The following COL24A1 variants were observed in gnomAD, a reference collection of about 807,000 sequenced individuals.
The protein encoded by COL24A1 is collagen type XXIV alpha 1 chain, also known as collagen alpha-1(XXIV) chain.
COL24A1 carries 224 observed loss-of-function variants against 253.9 expected under a neutral mutation model. That is an observed-to-expected ratio of 0.88 (90% confidence interval 0.79 to 0.99). COL24A1 has a LOEUF of 0.99. Among genes scored for constraint, COL24A1 ranks in the 50% least tolerant of loss-of-function variants. The pLI is 0.00. For missense variants in COL24A1, 2,131 were observed against 2,068.5 expected (o/e 1.03, Z -0.59); for synonymous variants, 685 against 673.7 (o/e 1.02, Z -0.26).
chr1:85,980,972 T>A (rs1370242203), intron 20 of COL24A1, among the ~76,000 whole-genome samples: 1 of 151,934 alleles, frequency 6.6e-6, no homozygotes, highest in African/African-American at 2.4e-5. Context: ...CAAGAAAAAC[T>A]ACAAAACACT....
chr1:86,135,072 C>T (rs1336102788), intron 2 of COL24A1, among the ~76,000 whole-genome samples: 1 of 151,916 alleles, frequency 6.6e-6, no homozygotes, highest in African/African-American at 2.4e-5. Context: ...GTTAGCTCTT[C>T]TTGTTGAATT....
At chr1:85,747,101 C>CTTT (rs34758363) in intron 55 of COL24A1, among the ~76,000 whole-genome samples, 2 of 111,276 alleles carry the variant, frequency 1.8e-5, no homozygotes, top group Admixed American at 9.9e-5. Flanking sequence ...TGAATTATAA[C>CTTT]TTTTTTTTTT....
intron 52 of COL24A1, among the ~76,000 whole-genome samples, chr1:85,777,191 G>T (rs766360010): frequency 1.3e-5 from 2 of 151,698 alleles, no homozygotes; most frequent in Non-Finnish European, 2.9e-5. Flanking sequence ...CTCGTGATCC[G>T]CCCGCCTCAG....
At chr1:85,820,588 A>AAC (rs1272956241) in intron 45 of COL24A1, among the ~76,000 whole-genome samples, 1 of 152,222 alleles carries the variant, frequency 6.6e-6, no homozygotes, top group East Asian at 1.9e-4. Flanking sequence ...ATGATGACTG[A>AAC]AGACTAAACT....
chr1:86,043,251 G>T (rs1036014135), intron 12 of COL24A1, among the ~76,000 whole-genome samples: 2 of 151,500 alleles, frequency 1.3e-5, no homozygotes, highest in East Asian at 3.9e-4. Context: ...TGACTATATC[G>T]CTCTACCTAA....
chr1:85,829,113 G>A (rs1674823621), intron 43 of COL24A1, among the ~76,000 whole-genome samples: 1 of 150,322 alleles, frequency 6.7e-6, no homozygotes, highest in African/African-American at 2.4e-5. Context: ...TTTTAGGGCA[G>A]GCCTGGTGGT....
At chr1:85,908,543 G>T in intron 27 of COL24A1, 55 bp downstream of exon 27, 1 of 1,000,806 alleles carries the variant, frequency 1.0e-6, no homozygotes, top group Non-Finnish European at 1.5e-6. Context: ...CAATTTATGA[G>T]TTTAAATTAA....
intron 1 of COL24A1, among the ~76,000 whole-genome samples, chr1:86,148,172 T>G (rs1360658759): frequency 6.7e-6 from 1 of 149,038 alleles, no homozygotes; most frequent in East Asian, 2.1e-4. Context: ...GGGAGTTTTG[T>G]TTTGTTTTTG....
Position 85,734,990 on chromosome 1 carries a change from G to T in COL24A1, c.4783-26C>A, listed in dbSNP as rs761978032. 7 of 1,602,108 alleles carry T rather than the reference G, an allele frequency of 4.4e-6. No individual in the cohort carries two copies. The South Asian group carries it at 4.4e-5, about 10-fold the overall frequency. ...CTAATGTCATAGAAATGATATGCAG[G>T]TTATAACATGGCAATTGAGAAACTT... On this transcript the variant is annotated intron_variant, in intron 58 of 59. Coordinates refer to ENST00000370571, the MANE Select transcript of COL24A1 (RefSeq NM_152890.7).
chr1:85,828,098 T>C (rs1674643366), intron 43 of COL24A1, among the ~76,000 whole-genome samples: 1 of 152,118 alleles, frequency 6.6e-6, no homozygotes. Context: ...TTTGAATGCA[T>C]CCCAGAGATT....
intron 7 of COL24A1, among the ~76,000 whole-genome samples, chr1:86,070,265 T>C (rs569843438): frequency 2.0e-5 from 3 of 152,260 alleles, no homozygotes; most frequent in African/African-American, 7.2e-5. Flanking sequence ...AGACAGGCTA[T>C]TTGACAAAAC....
At chr1:86,004,590 TTG>T (rs1272312030) in intron 19 of COL24A1, among the ~76,000 whole-genome samples, 2 of 152,212 alleles carry the variant, frequency 1.3e-5, no homozygotes, top group Non-Finnish European at 2.9e-5. Flanking sequence ...ATATGGAGTT[TTG>T]TCCCAAATAG....
chr1:86,064,202 G>T (rs1218891924), intron 7 of COL24A1, among the ~76,000 whole-genome samples: 2 of 152,072 alleles, frequency 1.3e-5, no homozygotes, highest in African/African-American at 2.4e-5. Context: ...TATCCAGGCA[G>T]TTCCTCTAAC....
intron 35 of COL24A1, 110 bp from the exon 36 acceptor site, chr1:85,868,945 A>G (rs187913518): frequency 7.8e-5 from 50 of 644,838 alleles, no homozygotes; most frequent in African/African-American, 4.0e-4. Flanking sequence ...GTGTTCACTT[A>G]TTTCTACTAC....
At chr1:85,925,892 C>T (rs974224235) in intron 24 of COL24A1, among the ~76,000 whole-genome samples, 5 of 152,104 alleles carry the variant, frequency 3.3e-5, no homozygotes, top group Admixed American at 6.6e-5. Context: ...AGGCAACCTA[C>T]AGAATGGGAG....
intron 51 of COL24A1, 124 bp downstream of exon 51, chr1:85,783,372 A>T: frequency 1.3e-6 from 1 of 744,222 alleles, no homozygotes; most frequent in Non-Finnish European, 2.2e-6. Context: ...TGCCCTTATG[A>T]GTTTCTACCT....
chr1:86,124,391 T>G (rs563593516), intron 3 of COL24A1, among the ~76,000 whole-genome samples: 1 of 152,202 alleles, frequency 6.6e-6, no homozygotes, highest in South Asian at 2.1e-4. Context: ...TTTTAATCCA[T>G]TTGATGCTAT....
intron 37 of COL24A1, among the ~76,000 whole-genome samples, chr1:85,857,648 G>T (rs1336242052): frequency 6.6e-6 from 1 of 151,940 alleles, no homozygotes; most frequent in Non-Finnish European, 1.5e-5. Flanking sequence ...CAGACTCAAT[G>T]TTGGAAAGGA....
intron 47 of COL24A1, among the ~76,000 whole-genome samples, chr1:85,797,099 C>T (rs1218839372): frequency 5.5e-5 from 8 of 145,324 alleles, no homozygotes; most frequent in Non-Finnish European, 8.9e-5. Flanking sequence ...CCCAGCTACT[C>T]GGGAGGCTGA....
Sources: gnomAD v4.1 joint callset for allele counts (sites outside exome capture counted in the v4.1 genomes callset) on GRCh38, gnomAD v4.1.1 for gene constraint, MANE v1.5 for transcripts, NCBI Gene and HGNC (gene_info 2026-07-23, HGNC 2026-07-21) for gene names.